Variants in PKHD1 observed in about 807,000 individuals in gnomAD.
The protein encoded by PKHD1 is fibrocystin.
In PKHD1, 291 loss-of-function variants were observed where a neutral mutation model predicts 412.0. That is an observed-to-expected ratio of 0.71 (90% CI 0.64 to 0.78). The LOEUF (loss-of-function observed/expected upper bound fraction) is 0.78, where lower values mean the gene tolerates loss of function less well. Ranked by LOEUF, PKHD1 falls within the 30% of genes least tolerant of loss-of-function variation. The probability of loss-of-function intolerance (pLI) is 0.00; values close to 1 mark genes in which losing one functional copy is unlikely to be tolerated. For missense variants in PKHD1, 4,825 were observed against 4,950.7 expected (o/e 0.97, Z 0.76); for synonymous variants, 1,777 against 1,821.5 (o/e 0.98, Z 0.62).
At chr6:51,706,420 A>T (rs1380630540) in intron 60 of PKHD1, among the ~76,000 whole-genome samples, 1 of 151,604 alleles carries the variant, frequency 6.6e-6, no homozygotes, top group Non-Finnish European at 1.5e-5. Context: ...CAAATTGAAA[A>T]TCCTTTCCCC....
chr6:51,641,623 C>A (rs1045222281), intron 63 of PKHD1, among the ~76,000 whole-genome samples: 8 of 152,222 alleles, frequency 5.3e-5, no homozygotes, highest in African/African-American at 1.4e-4. Flanking sequence ...CTCACAATAG[C>A]AAAGACTTGG....
chr6:51,753,698 CT>C (rs558852950), intron 56 of PKHD1, among the ~76,000 whole-genome samples: 70 of 152,294 alleles, frequency 4.6e-4, no homozygotes, highest in African/African-American at 1.6e-3. Context: ...CAGCGTGAGA[CT>C]TCAGTGTTGG....
At chr6:52,027,446 T>C (rs1802365390) in intron 31 of PKHD1, among the ~76,000 whole-genome samples, 1 of 145,580 alleles carries the variant, frequency 6.9e-6, no homozygotes, top group Middle Eastern at 3.4e-3. Flanking sequence ...GCTGGATAAT[T>C]ACTTGAACCC....
chr6:51,965,783 G>C (rs1469879261), intron 35 of PKHD1, among the ~76,000 whole-genome samples: 1 of 151,938 alleles, frequency 6.6e-6, no homozygotes. Flanking sequence ...TATCCTCTGC[G>C]ATTTCTCAAA....
chr6:51,620,802 A>ATATACATATATATATATATATATG (rs1561971278), intron 66 of PKHD1, among the ~76,000 whole-genome samples: 15 of 141,558 alleles, frequency 1.1e-4, no homozygotes, highest in African/African-American at 3.9e-4. Context: ...ATATATATGT[A>ATATACATATATATATATATATATG]TATATATATA....
Position 51,772,700 on chromosome 6 carries a change from A to T in PKHD1, c.8642+2T>A. On this transcript the variant is annotated splice_donor_variant, in intron 55 of 66. Transcript: ENST00000371117. LOFTEE classifies it high-confidence loss of function. ...AAGCCCTAAGTTACTCTCATTCCTTACCTCTCATTTCCTGAGGCAATATCA... is the reference window on the plus strand; with the variant it reads ...AAGCCCTAAGTTACTCTCATTCCTTTCCTCTCATTTCCTGAGGCAATATCA... The T allele has an allele frequency of 1.3e-6, 2 of 1,503,222 alleles. No homozygotes were observed. Among genetic ancestry groups the T allele is most frequent in the Non-Finnish European group, 1.8e-6 (2 of 1,081,252 alleles). 93.1% of individuals were successfully genotyped at this position (1,503,222 alleles called of 1,614,324 possible).
At chr6:51,851,507 G>A (rs1418837490) in intron 49 of PKHD1, among the ~76,000 whole-genome samples, 3 of 152,180 alleles carry the variant, frequency 2.0e-5, no homozygotes, top group Non-Finnish European at 2.9e-5. Context: ...GTAGAATTCA[G>A]CTGTGAATCC....
At chr6:51,781,745 A>T (rs1792050478) in intron 53 of PKHD1, among the ~76,000 whole-genome samples, 1 of 152,086 alleles carries the variant, frequency 6.6e-6, no homozygotes, top group Admixed American at 6.6e-5. Flanking sequence ...CCATGGAGGT[A>T]TCACACTTAT....
In PKHD1 at chr6:52,031,202, G is replaced by T. The variant is rs113647551; in HGVS notation, c.3364+1828C>A. ...TCAAATGAAGGAACTGAAGATAAAA[G>T]AAGTTAAATATCTTACCCAAGGAGT... On this transcript the variant is annotated intron_variant, in intron 29 of 66. Coordinates refer to ENST00000371117, the MANE Select transcript of PKHD1 (RefSeq NM_138694.4). Among the ~76,000 whole-genome samples the T allele has an allele frequency of 3.1e-3, 471 of 152,326 alleles. 2 individuals carry two copies. Among genetic ancestry groups the T allele is most frequent in the African/African-American group, 0.011 (454 of 41,562 alleles).
intron 60 of PKHD1, among the ~76,000 whole-genome samples, chr6:51,699,920 AGTGTGTGTGTGT>A (rs148337538): frequency 7.3e-6 from 1 of 137,812 alleles, no homozygotes; most frequent in Admixed American, 7.5e-5. Context: ...ATATATATGG[AGTGTGTGTGTGT>A]GTGTGTGTGT....
intron 22 of PKHD1, 111 bp downstream of exon 22, chr6:52,050,046 G>T (rs1806535503): frequency 3.0e-6 from 3 of 996,404 alleles, no homozygotes; most frequent in East Asian, 2.5e-5. Flanking sequence ...TGAGAACATT[G>T]CTTTAAGCAA....
At chr6:52,044,932 G>T (rs1217969422) in intron 25 of PKHD1, 34 bp downstream of exon 25, 1 of 1,612,062 alleles carries the variant, frequency 6.2e-7, no homozygotes, top group South Asian at 1.1e-5. Context: ...CTTGAAACTG[G>T]AGCTTGCACT....
At chr6:51,846,487 C>T (rs1248416144) in intron 50 of PKHD1, among the ~76,000 whole-genome samples, 1 of 152,180 alleles carries the variant, frequency 6.6e-6, no homozygotes, top group Non-Finnish European at 1.5e-5. Flanking sequence ...TAGCCAGATT[C>T]TCCTTTTTAC....
At chr6:51,956,305 C>CGTGTGT (rs3062566) in intron 36 of PKHD1, among the ~76,000 whole-genome samples, 2 of 150,222 alleles carry the variant, frequency 1.3e-5, no homozygotes, top group Non-Finnish European at 1.5e-5. Context: ...CTTATACATA[C>CGTGTGT]GTGTGTGTGT....
At chr6:52,032,595 A>G (rs1305752231) in intron 29 of PKHD1, among the ~76,000 whole-genome samples, 1 of 152,214 alleles carries the variant, frequency 6.6e-6, no homozygotes, top group African/African-American at 2.4e-5. Flanking sequence ...CTTGGTATAT[A>G]CAAACAGATG....
intron 1 of PKHD1, among the ~76,000 whole-genome samples, chr6:52,086,056 T>A (rs2128248402): frequency 6.8e-6 from 1 of 146,984 alleles, no homozygotes; most frequent in African/African-American, 2.5e-5. Context: ...TAAATATATT[T>A]AATATATATA....
chr6:51,616,739 C>T lies in PKHD1; in HGVS notation c.*2342G>A, dbSNP rs1766101865. ...TAAGATAATTATGGTTATTCCTACGCAGAGGGATAGGATAAAACATGCCTC... is the reference window on the plus strand; with the variant it reads ...TAAGATAATTATGGTTATTCCTACGTAGAGGGATAGGATAAAACATGCCTC... On this transcript the variant is annotated 3_prime_UTR_variant, in exon 67 of 67. Transcript: ENST00000371117. 1 of 398,138 alleles carries T rather than the reference C, an allele frequency of 2.5e-6. No homozygotes were observed. The highest frequency in any genetic ancestry group is 4.4e-6 in the Non-Finnish European group (1 of 225,904). The allele number at this position is 398,138 out of a possible 1,614,324, so 24.7% of individuals were successfully genotyped here.
chr6:51,771,071 T>C (rs995881472), intron 55 of PKHD1, among the ~76,000 whole-genome samples: 5 of 151,934 alleles, frequency 3.3e-5, no homozygotes, highest in Admixed American at 6.6e-5. Flanking sequence ...TGCTTACAGA[T>C]TTCAAACTCT....
intron 33 of PKHD1, among the ~76,000 whole-genome samples, chr6:52,021,404 T>C (rs1398216775): frequency 6.6e-6 from 1 of 152,214 alleles, no homozygotes; most frequent in African/African-American, 2.4e-5. Context: ...TTTAAAAGTA[T>C]ATTAATTTGA....
Sources: allele counts gnomAD v4.1 joint callset (sites outside exome capture counted in the v4.1 genomes callset), GRCh38; gene constraint gnomAD v4.1.1; transcripts MANE v1.5; gene names NCBI Gene and HGNC (gene_info 2026-07-23, HGNC 2026-07-21).